The following SDK1 variants were observed in gnomAD, a reference collection of about 807,000 sequenced individuals.
SDK1 encodes the protein protein sidekick-1.
Under a neutral mutation model 245.5 loss-of-function variants are expected in SDK1, and 157 were observed. The ratio of observed to expected loss-of-function variants is 0.64; its 90% CI spans 0.56 to 0.73. SDK1 has a LOEUF of 0.73. Among genes scored for constraint, SDK1 ranks in the 30% least tolerant of loss-of-function variants. SDK1 has a pLI of 0.00. For missense variants in SDK1, 3,583 were observed against 3,002.3 expected, an observed-to-expected ratio of 1.19 and a Z score of -4.52; for synonymous variants, 1,647 against 1,278.5, an observed-to-expected ratio of 1.29 and a Z score of -6.15.
chr7:3,595,838 A>G (rs1314058202), intron 1 of SDK1, among the ~76,000 whole-genome samples: 1 of 149,246 alleles, frequency 6.7e-6, no homozygotes, highest in Non-Finnish European at 1.5e-5. Context: ...CAAAAAAAAA[A>G]AAAAAAAAAA....
chr7:3,682,195 G>A (rs1353127534), intron 4 of SDK1, among the ~76,000 whole-genome samples: 1 of 152,138 alleles, frequency 6.6e-6, no homozygotes, highest in African/African-American at 2.4e-5. Flanking sequence ...GGCAACCCAG[G>A]TATTATTATA....
At chr7:3,493,159 G>A (rs1230350856) in intron 1 of SDK1, among the ~76,000 whole-genome samples, 1 of 152,092 alleles carries the variant, frequency 6.6e-6, no homozygotes, top group Non-Finnish European at 1.5e-5. Flanking sequence ...CACCGTGTTA[G>A]CCAGGATGGT....
chr7:3,986,589 G>GCA (rs1783847142), intron 13 of SDK1, among the ~76,000 whole-genome samples: 2 of 152,228 alleles, frequency 1.3e-5, no homozygotes, highest in African/African-American at 2.4e-5. Context: ...GGCCGGGCAT[G>GCA]GTGGCTCACG....
At chr7:3,846,099 T>C (rs1248454183) in intron 5 of SDK1, among the ~76,000 whole-genome samples, 1 of 152,186 alleles carries the variant, frequency 6.6e-6, no homozygotes, top group Non-Finnish European at 1.5e-5. Flanking sequence ...CCCAGGAATT[T>C]TATTAACTAT....
At chr7:4,128,967 C>G (rs1438354846) in intron 26 of SDK1, among the ~76,000 whole-genome samples, 21 of 43,510 alleles carry the variant, frequency 4.8e-4, no homozygotes, top group Admixed American at 8.0e-4. Context: ...GGGGTGGGGT[C>G]CCCTGGAGGA....
intron 1 of SDK1, among the ~76,000 whole-genome samples, chr7:3,595,134 C>CT (rs951412560): frequency 2.8e-4 from 43 of 151,390 alleles, no homozygotes; most frequent in African/African-American, 8.7e-4. Flanking sequence ...CTCCCGATTA[C>CT]TTTTTTTTTG....
At chr7:4,221,937 T>A (rs1415499227) in intron 40 of SDK1, among the ~76,000 whole-genome samples, 1 of 152,224 alleles carries the variant, frequency 6.6e-6, no homozygotes, top group Non-Finnish European at 1.5e-5. Flanking sequence ...GGAAATGAGT[T>A]TCTGATCGGG....
At chr7:4,053,456 C>T (rs996731947) in intron 19 of SDK1, among the ~76,000 whole-genome samples, 2 of 152,136 alleles carry the variant, frequency 1.3e-5, no homozygotes, top group African/African-American at 4.8e-5. Flanking sequence ...GGCGCTATTA[C>T]TTCTTCCAAT....
At chr7:3,902,835 A>G (rs145652437) in intron 5 of SDK1, among the ~76,000 whole-genome samples, 2 of 150,122 alleles carry the variant, frequency 1.3e-5, no homozygotes, top group East Asian at 3.9e-4. Context: ...TTTTGCTGAA[A>G]TAAGAATATA....
rs563893551 is a variant in SDK1 at position 3,844,700 on chromosome 7, C to CA, written c.847+23118dup. Reference sequence around the variant, plus strand: ...AAAGTGCCACTTAATGTAATACAGACAGCAGCTCTCCAGCCCGAGTGCCAC... The same window carrying CA: ...AAAGTGCCACTTAATGTAATACAGACAAGCAGCTCTCCAGCCCGAGTGCCAC... On this transcript the variant is annotated intron_variant, in intron 5 of 44. Coordinates refer to ENST00000404826, the MANE Select transcript of SDK1 (RefSeq NM_152744.4). Among the ~76,000 whole-genome samples, 17 of 152,318 alleles carry CA rather than the reference C, an allele frequency of 1.1e-4. No individual in the cohort carries two copies. In the East Asian group the frequency reaches 3.1e-3, roughly 28 times the overall value.
chr7:3,664,476 C>T (rs561010028), intron 4 of SDK1, among the ~76,000 whole-genome samples: 2 of 152,152 alleles, frequency 1.3e-5, no homozygotes, highest in South Asian at 4.1e-4. Flanking sequence ...CAGTGGCTCA[C>T]ACCTGTAAAC....
intron 1 of SDK1, among the ~76,000 whole-genome samples, chr7:3,573,213 C>A (rs4416738): frequency 6.6e-6 from 1 of 151,830 alleles, no homozygotes; most frequent in Non-Finnish European, 1.5e-5. Flanking sequence ...GGAGACTGTG[C>A]TGGGAGGGTG....
intron 4 of SDK1, among the ~76,000 whole-genome samples, chr7:3,789,727 G>T (rs986446661): frequency 6.6e-6 from 1 of 152,176 alleles, no homozygotes; most frequent in African/African-American, 2.4e-5. Flanking sequence ...TGTGAGGTAC[G>T]AGGGAAAAGG....
At chr7:3,775,460 C>G (rs574685217) in intron 4 of SDK1, among the ~76,000 whole-genome samples, 27 of 151,386 alleles carry the variant, frequency 1.8e-4, no homozygotes, top group African/African-American at 6.3e-4. Context: ...AAGGCTGTTT[C>G]CCAGACCAGA....
intron 5 of SDK1, among the ~76,000 whole-genome samples, chr7:3,882,680 T>G (rs1781236028): frequency 6.6e-6 from 1 of 152,202 alleles, no homozygotes; most frequent in African/African-American, 2.4e-5. Flanking sequence ...ACAAACTGTT[T>G]TTAAGGACTT....
intron 17 of SDK1, among the ~76,000 whole-genome samples, chr7:4,030,584 TGGACATCATCAAC>T (rs1206088334): frequency 6.6e-6 from 1 of 152,204 alleles, no homozygotes; most frequent in Non-Finnish European, 1.5e-5. Context: ...TAACTCTATC[TGGACATCATCAAC>T]GGGCTTTTCA....
chr7:3,605,655 T>G (rs1583218590), intron 1 of SDK1, among the ~76,000 whole-genome samples: 1 of 152,222 alleles, frequency 6.6e-6, no homozygotes, highest in Non-Finnish European at 1.5e-5. Context: ...ATTTTCACTA[T>G]GTCTGATTAC....
At chr7:3,640,531 T>C (rs574710286) in intron 3 of SDK1, among the ~76,000 whole-genome samples, 7 of 152,348 alleles carry the variant, frequency 4.6e-5, no homozygotes, top group South Asian at 4.1e-4. Flanking sequence ...TTTTATTCAA[T>C]TGAATGATTG....
intron 1 of SDK1, among the ~76,000 whole-genome samples, chr7:3,538,338 T>C (rs1778953299): frequency 6.6e-6 from 1 of 152,210 alleles, no homozygotes; most frequent in Admixed American, 6.5e-5. Context: ...GAAAATCCTG[T>C]GCTTTTTTTT....
Sources: allele counts gnomAD v4.1 joint callset (sites outside exome capture counted in the v4.1 genomes callset), GRCh38; gene constraint gnomAD v4.1.1; transcripts MANE v1.5; gene names NCBI Gene and HGNC (gene_info 2026-07-23, HGNC 2026-07-21).